The following ALOX5 variants were observed in gnomAD, a reference collection of about 807,000 sequenced individuals.
ALOX5 encodes polyunsaturated fatty acid 5-lipoxygenase.
A neutral mutation model predicts 87.9 loss-of-function variants in ALOX5; 64 were observed. The ratio of observed to expected loss-of-function variants is 0.73; its 90% CI spans 0.60 to 0.90. The LOEUF (loss-of-function observed/expected upper bound fraction) is 0.90, where lower values mean the gene tolerates loss of function less well. Ranked by LOEUF, ALOX5 falls within the 40% of genes least tolerant of loss-of-function variation. The pLI, the probability that ALOX5 is intolerant of heterozygous loss-of-function variation, is 0.00. For synonymous variants in ALOX5, 388 were observed against 355.1 expected, an observed-to-expected ratio of 1.09 and a Z score of -1.04; for missense variants, 822 against 907.5, an observed-to-expected ratio of 0.91 and a Z score of 1.21.
intron 4 of ALOX5, among the ~76,000 whole-genome samples, chr10:45,418,584 T>C (rs1183741672): frequency 6.6e-6 from 1 of 152,168 alleles, no homozygotes; most frequent in Admixed American, 6.5e-5. Context: ...CTGGGCGTCC[T>C]CTCTGATGGG....
At chr10:45,398,827 A>G (rs537251267) in intron 3 of ALOX5, among the ~76,000 whole-genome samples, 1 of 152,220 alleles carries the variant, frequency 6.6e-6, no homozygotes, top group Non-Finnish European at 1.5e-5. Context: ...GTTGACAAGG[A>G]TGTGGAGAAA....
chr10:45,420,769 C>A (rs942764224), intron 4 of ALOX5, among the ~76,000 whole-genome samples: 2 of 152,182 alleles, frequency 1.3e-5, no homozygotes. Context: ...ACAACTGTGG[C>A]GTAAAAAATG....
chr10:45,390,471 C>G (rs1203482965), intron 2 of ALOX5, among the ~76,000 whole-genome samples: 1 of 152,202 alleles, frequency 6.6e-6, no homozygotes, highest in Non-Finnish European at 1.5e-5. Flanking sequence ...TGTAAAAGAA[C>G]AGAAACCATA....
chr10:45,392,734 GA>G lies in ALOX5; in HGVS notation c.350-3119del, dbSNP rs778029578. On this transcript the variant is annotated intron_variant, in intron 2 of 13. Transcript: ENST00000374391. Reference sequence around the variant, plus strand: ...AAAAAAGAAAAAAAAAAGAAGAGAAGAATCAATTAGACGCAATAAAAAGTGA... The same window carrying G: ...AAAAAAGAAAAAAAAAAGAAGAGAAGATCAATTAGACGCAATAAAAAGTGA... Among the ~76,000 whole-genome samples, 25 of 150,192 alleles carry G rather than the reference GA, an allele frequency of 1.7e-4. 1 individual carries two copies. Among genetic ancestry groups the G allele is most frequent in the Non-Finnish European group, 2.7e-4 (18 of 67,600 alleles).
rs1363265168 is a variant in ALOX5, at chr10:45,444,276, A to G, written c.1835A>G (p.Gln612Arg). 2 of 1,553,698 alleles carry G rather than the reference A, an allele frequency of 1.3e-6. No homozygotes were observed. The highest frequency in any genetic ancestry group is 1.2e-5 in the South Asian group (1 of 84,354). The change falls in exon 13 of 14, where the codon CAG becomes CGG. Residue 612 changes from glutamine to arginine, a missense_variant. By Grantham distance (43) the Gln-to-Arg change is conservative (BLOSUM62 1). Coordinates refer to ENST00000374391, the MANE Select transcript of ALOX5 (RefSeq NM_000698.5). ...GCAGTGTGGGCGCTGAGCCAGTTCC[A>G]GGAAAACGAGGTGAAGCTGGGCAGG... ...LGAVWALSQF[Q>R]ENELFLGMYP...
Position 45,412,224 on chromosome 10 carries a change from C to A in ALOX5, c.465C>A (p.Ser155Arg). The stretch of plus-strand genomic sequence containing the variant: ...AGTGGAACCCTGGCTTCCCCTTGAG[C>A]ATCGATGCCAAATGCCACAAGGATT... ...WMEWNPGFPL[S>R]IDAKCHKDLP... Residue 155 changes from serine to arginine, a missense_variant, in exon 4 of 14, where the codon AGC (serine) becomes AGA (arginine). Coordinates refer to ENST00000374391, the MANE Select transcript of ALOX5 (RefSeq NM_000698.5). 1.2e-6 allele frequency: 2 copies of A among 1,614,160 alleles called. No homozygotes were observed. Among genetic ancestry groups the A allele is most frequent in the Non-Finnish European group, 1.7e-6 (2 of 1,180,016 alleles).
intron 9 of ALOX5, chr10:45,442,724 G>A: frequency 2.7e-6 from 1 of 367,158 alleles, no homozygotes; most frequent in Non-Finnish European, 4.9e-6. Flanking sequence ...GCCCGCTGGT[G>A]CTGGGGTCCC....
chr10:45,416,101 A>G (rs1841280717), intron 4 of ALOX5, among the ~76,000 whole-genome samples: 1 of 152,176 alleles, frequency 6.6e-6, no homozygotes, highest in Admixed American at 6.5e-5. Flanking sequence ...GCCAGACTTC[A>G]AAGCTTAAAA....
At chr10:45,395,756 T>C (rs1840476416) in intron 2 of ALOX5, 99 bp from the exon 3 acceptor site, 2 of 1,008,200 alleles carry the variant, frequency 2.0e-6, no homozygotes, top group African/African-American at 1.6e-5. Context: ...CATAAAGCAC[T>C]CGGCATGGGC....
At chr10:45,392,121 C>A (rs1042860397) in intron 2 of ALOX5, among the ~76,000 whole-genome samples, 1 of 150,672 alleles carries the variant, frequency 6.6e-6, no homozygotes, top group African/African-American at 2.4e-5. Flanking sequence ...CTGCCCCGTC[C>A]GGGAGGTGAG....
intron 7 of ALOX5, among the ~76,000 whole-genome samples, chr10:45,438,742 T>C (rs986160722): frequency 1.3e-5 from 2 of 152,254 alleles, no homozygotes; most frequent in African/African-American, 4.8e-5. Context: ...TGCAGAGTTC[T>C]GAGACCTTCT....
At chr10:45,424,901 C>T in intron 5 of ALOX5, 59 bp from the exon 6 acceptor site, 17 of 1,595,054 alleles carry the variant, frequency 1.1e-5, no homozygotes, top group Non-Finnish European at 1.5e-5. Flanking sequence ...TCAGGAGGGC[C>T]ATGGCCCTGG....
rs1379332416 is a variant in ALOX5, at chr10:45,395,886, TC to T, written c.382del (p.Leu128SerfsTer27). The T allele has an allele frequency of 1.2e-6, 2 of 1,614,168 alleles. No individual in the cohort carries two copies. Among genetic ancestry groups the T allele is most frequent in the South Asian group, 2.2e-5 (2 of 91,082 alleles). ...KLARDDQIHI[L>X]KQHRRKELET... ...TGGCCCGAGATGACCAAATTCACAT[TC>T]TCAAGCAACACCGACGTAAAGAACT... is the stretch of plus-strand genomic sequence containing the variant. On this transcript the variant is annotated frameshift_variant, in exon 3 of 14. Coordinates refer to ENST00000374391, the MANE Select transcript of ALOX5 (RefSeq NM_000698.5). LOFTEE classifies it high-confidence loss of function.
chr10:45,443,075 T>C lies in ALOX5; in HGVS notation c.1310T>C (p.Val437Ala). Residue 437 changes from valine (V) to alanine (A), a missense_variant, in exon 10 of 14, where the codon GTG becomes GCG. Transcript: ENST00000374391. ...GGGGGCGGTGGGCACGTGCAGATGG[T>C]GCAGAGGGCCATGAAGGACCTGACC... ...ATGGGGHVQM[V>A]QRAMKDLTYA... 6.2e-7 allele frequency: 1 copy of C among 1,613,588 alleles called. No homozygotes were observed. Among genetic ancestry groups the C allele is most frequent in the Non-Finnish European group, 8.5e-7 (1 of 1,179,958 alleles).
chr10:45,384,818 CAA>C (rs1027328150), intron 2 of ALOX5, among the ~76,000 whole-genome samples: 2 of 145,878 alleles, frequency 1.4e-5, no homozygotes, highest in African/African-American at 5.0e-5. Context: ...GAAGGAATGT[CAA>C]AGAATTTGTG....
intron 3 of ALOX5, among the ~76,000 whole-genome samples, chr10:45,398,931 A>G (rs952609237): frequency 2.6e-5 from 4 of 152,236 alleles, no homozygotes; most frequent in African/African-American, 9.6e-5. Context: ...AGAGAGTTAC[A>G]ATATGACAGC....
At chr10:45,419,866 A>G (rs1841441282) in intron 4 of ALOX5, among the ~76,000 whole-genome samples, 1 of 152,140 alleles carries the variant, frequency 6.6e-6, no homozygotes, top group Non-Finnish European at 1.5e-5. Flanking sequence ...GAAGGGAGGG[A>G]CGTAGCAGCA....
At chr10:45,396,294 T>C (rs964828802) in intron 3 of ALOX5, among the ~76,000 whole-genome samples, 2 of 152,084 alleles carry the variant, frequency 1.3e-5, no homozygotes, top group Admixed American at 6.5e-5. Context: ...AGCAATAAAA[T>C]TGACAACTCT....
chr10:45,392,000 G>GC (rs772633667), intron 2 of ALOX5, among the ~76,000 whole-genome samples: 1 of 151,136 alleles, frequency 6.6e-6, no homozygotes, highest in African/African-American at 2.4e-5. Flanking sequence ...GGGGCGGTCA[G>GC]CCCCCCGCCC....
Sources: gnomAD v4.1 joint callset for allele counts (sites outside exome capture counted in the v4.1 genomes callset) on GRCh38, gnomAD v4.1.1 for gene constraint, MANE v1.5 for transcripts, NCBI Gene and HGNC (gene_info 2026-07-23, HGNC 2026-07-21) for gene names.